Variants in TMEM163 observed in about 807,000 individuals in gnomAD.
The protein encoded by TMEM163 is transmembrane protein 163.
Under a neutral mutation model 29.3 loss-of-function variants are expected in TMEM163, and 17 were observed. That is an observed-to-expected ratio of 0.58 (90% CI 0.40 to 0.87). TMEM163 has a LOEUF of 0.87. TMEM163 is among the 40% of genes least tolerant of loss of function. The pLI, the probability that TMEM163 is intolerant of heterozygous loss-of-function variation, is 0.00. For synonymous variants in TMEM163, 157 were observed against 160.6 expected (o/e 0.98, Z 0.17); for missense variants, 303 against 381.5 (o/e 0.79, Z 1.71).
chr2:134,521,591 A>G (rs1680190267), intron 4 of TMEM163, among the ~76,000 whole-genome samples: 1 of 152,152 alleles, frequency 6.6e-6, no homozygotes. Flanking sequence ...GGTGGTACCA[A>G]GGATAAGATT....
At chr2:134,679,031 G>A (rs1104801) in intron 2 of TMEM163, among the ~76,000 whole-genome samples, 84,122 of 151,996 alleles carry the variant, frequency 0.55, 24,191 homozygotes, top group Non-Finnish European at 0.63. Context: ...ATTTAACAAC[G>A]AGCAGAGCTC....
At chr2:134,541,973 C>T (rs1369340598) in intron 4 of TMEM163, among the ~76,000 whole-genome samples, 2 of 152,250 alleles carry the variant, frequency 1.3e-5, no homozygotes, top group South Asian at 2.1e-4. Flanking sequence ...AGACCATGGG[C>T]GGGGGTGGGA....
intron 5 of TMEM163, among the ~76,000 whole-genome samples, chr2:134,478,144 C>G (rs1053723831): frequency 6.6e-6 from 1 of 152,202 alleles, no homozygotes; most frequent in African/African-American, 2.4e-5. Context: ...TGTAAGCATC[C>G]TCAGGCCCTC....
chr2:134,573,191 GAAC>G (rs1275782458), intron 2 of TMEM163, among the ~76,000 whole-genome samples: 1 of 152,210 alleles, frequency 6.6e-6, no homozygotes, highest in Non-Finnish European at 1.5e-5. Context: ...AGAAAGGCAT[GAAC>G]ACAGAAGAGC....
chr2:134,588,127 G>A (rs1442922651), intron 2 of TMEM163, among the ~76,000 whole-genome samples: 1 of 152,196 alleles, frequency 6.6e-6, no homozygotes, highest in South Asian at 2.1e-4. Flanking sequence ...AATTCACCAC[G>A]TGAATGTGGG....
intron 2 of TMEM163, among the ~76,000 whole-genome samples, chr2:134,673,795 G>T (rs73958782): frequency 1.3e-5 from 2 of 152,112 alleles, no homozygotes; most frequent in Non-Finnish European, 2.9e-5. Context: ...GGAAAAACAC[G>T]GTCCTGCCAA....
intron 4 of TMEM163, among the ~76,000 whole-genome samples, chr2:134,548,358 A>T (rs77983100): frequency 0.024 from 3,657 of 152,336 alleles, 124 homozygotes; most frequent in Middle Eastern, 0.14. Flanking sequence ...TTATACTTAC[A>T]ACACATCTCA....
intron 4 of TMEM163, among the ~76,000 whole-genome samples, chr2:134,517,935 C>T (rs373236559): frequency 1.4e-5 from 2 of 145,706 alleles, no homozygotes; most frequent in African/African-American, 2.5e-5. Context: ...TATATCACTA[C>T]AGAGTTGTCA....
At chr2:134,703,179 A>G (rs1684738812) in intron 2 of TMEM163, among the ~76,000 whole-genome samples, 1 of 152,180 alleles carries the variant, frequency 6.6e-6, no homozygotes, top group Admixed American at 6.5e-5. Flanking sequence ...TCCAGGAAAC[A>G]GGGGGTCCAA....
At chr2:134,609,011 G>T (rs2104816013) in intron 2 of TMEM163, among the ~76,000 whole-genome samples, 1 of 99,714 alleles carries the variant, frequency 1.0e-5, no homozygotes, top group African/African-American at 4.3e-5. Context: ...CAGACCCCGA[G>T]AACTGTGCTG....
intron 2 of TMEM163, among the ~76,000 whole-genome samples, chr2:134,702,513 C>CA (rs1684725128): frequency 6.6e-6 from 1 of 152,084 alleles, no homozygotes; most frequent in African/African-American, 2.4e-5. Flanking sequence ...GGCATGGTGG[C>CA]ACGCCCCTGT....
At chr2:134,591,472 G>C (rs6750093) in intron 2 of TMEM163, among the ~76,000 whole-genome samples, 1 of 152,074 alleles carries the variant, frequency 6.6e-6, no homozygotes, top group Non-Finnish European at 1.5e-5. Flanking sequence ...ATCTTGTGCC[G>C]ATCTCCTATC....
intron 2 of TMEM163, among the ~76,000 whole-genome samples, chr2:134,651,758 C>T (rs1159126927): frequency 9.3e-6 from 1 of 107,796 alleles, no homozygotes; most frequent in Non-Finnish European, 1.8e-5. Flanking sequence ...CAGCTTTCTA[C>T]ATATGGCTAG....
chr2:134,461,210 T>C (rs1486639565), intron 6 of TMEM163, among the ~76,000 whole-genome samples: 1 of 152,252 alleles, frequency 6.6e-6, no homozygotes, highest in Non-Finnish European at 1.5e-5. Context: ...CACAAAATGA[T>C]GGCTGAGGCC....
chr2:134,550,456 C>T (rs947791030), intron 4 of TMEM163, 114 bp downstream of exon 4: 1 of 959,412 alleles, frequency 1.0e-6, no homozygotes, highest in Non-Finnish European at 1.6e-6. Context: ...AACCTGGGGA[C>T]CTTCTTCTCA....
chr2:134,531,849 C>G lies in TMEM163; in HGVS notation c.458+18721G>C, dbSNP rs527597048. On this transcript the variant is annotated intron_variant, in intron 4 of 7. Coordinates refer to ENST00000281924, the MANE Select transcript of TMEM163 (RefSeq NM_030923.5). Reference sequence around the variant, plus strand: ...CATCAACTTAACTTTCAGTCCCTCTCTCCTTGCCAGAGGCTGGGGGCTGGG... The same window carrying G: ...CATCAACTTAACTTTCAGTCCCTCTGTCCTTGCCAGAGGCTGGGGGCTGGG... 4.6e-5 allele frequency among the ~76,000 whole-genome samples: 7 copies of G among 152,306 alleles called. 2 individuals are homozygous for G. The highest frequency in any genetic ancestry group is 1.7e-4 in the African/African-American group (7 of 41,578).
intron 5 of TMEM163, among the ~76,000 whole-genome samples, chr2:134,475,661 A>G (rs1686897121): frequency 6.6e-6 from 1 of 152,202 alleles, no homozygotes; most frequent in Non-Finnish European, 1.5e-5. Flanking sequence ...ACTCAATTAA[A>G]ACAGAAGGCA....
intron 2 of TMEM163, among the ~76,000 whole-genome samples, chr2:134,700,646 T>G (rs1222007695): frequency 1.3e-5 from 2 of 152,098 alleles, no homozygotes; most frequent in Non-Finnish European, 2.9e-5. Context: ...TGCCTGTAAT[T>G]CCAGCACTTT....
At chr2:134,510,318 G>C (rs1306647414) in intron 4 of TMEM163, among the ~76,000 whole-genome samples, 1 of 152,194 alleles carries the variant, frequency 6.6e-6, no homozygotes, top group East Asian at 1.9e-4. Context: ...GGATCACCAA[G>C]TTGGAACACA....
Sources: allele counts gnomAD v4.1 joint callset (sites outside exome capture counted in the v4.1 genomes callset), GRCh38; gene constraint gnomAD v4.1.1; transcripts MANE v1.5; gene names NCBI Gene and HGNC (gene_info 2026-07-23, HGNC 2026-07-21).